Variants in EHMT1 observed in about 807,000 individuals in gnomAD.
The protein encoded by EHMT1 is histone-lysine N-methyltransferase EHMT1.
Under a neutral mutation model 147.2 loss-of-function variants are expected in EHMT1, and 15 were observed. The observed-to-expected ratio is 0.10, with a 90% CI of 0.07 to 0.16. The LOEUF (loss-of-function observed/expected upper bound fraction) is 0.16, where lower values mean the gene tolerates loss of function less well. EHMT1 is among the 10% of genes least tolerant of loss of function. The pLI, the probability that EHMT1 is intolerant of heterozygous loss-of-function variation, is 1.00. For missense variants in EHMT1, 1,587 were observed against 1,772.4 expected (o/e 0.90, Z 1.88); for synonymous variants, 795 against 709.6 (o/e 1.12, Z -1.91).
At chr9:137,677,942 G>A (rs1941536522) in intron 1 of EHMT1, among the ~76,000 whole-genome samples, 1 of 151,240 alleles carries the variant, frequency 6.6e-6, no homozygotes, top group East Asian at 2.0e-4. Flanking sequence ...GGCGGCGGGC[G>A]CCTGTAGTCC....
chr9:137,835,103 C>T lies in EHMT1; in HGVS notation c.*150C>T, dbSNP rs1474593408. On this transcript the variant is annotated 3_prime_UTR_variant, in exon 27 of 27. Transcript: ENST00000460843. ...AGGGGTCGGAGGTGAGGCTGCAGCCCCTGCGGGCGGGTGTGGATGCCTCCC... is the reference window on the plus strand; with the variant it reads ...AGGGGTCGGAGGTGAGGCTGCAGCCTCTGCGGGCGGGTGTGGATGCCTCCC... 5.1e-6 allele frequency: 5 copies of T among 976,360 alleles called. No homozygotes were observed. The East Asian group carries it at 1.8e-4, about 35-fold the overall frequency. The allele number at this position is 976,360 out of a possible 1,614,324, so 60.5% of individuals were successfully genotyped here.
At chr9:137,658,692 A>G (rs892369208) in intron 1 of EHMT1, among the ~76,000 whole-genome samples, 1 of 151,806 alleles carries the variant, frequency 6.6e-6, no homozygotes, top group Non-Finnish European at 1.5e-5. Context: ...GGCTCACTGC[A>G]GCTTCAACTT....
chr9:137,652,095 T>G (rs1050712332), intron 1 of EHMT1, among the ~76,000 whole-genome samples: 1 of 152,172 alleles, frequency 6.6e-6, no homozygotes, highest in Admixed American at 6.6e-5. Context: ...AGGCAGGCCC[T>G]TCAGGAGGAG....
chr9:137,676,542 T>C (rs942500748), intron 1 of EHMT1: 1 of 152,250 alleles, frequency 6.6e-6, no homozygotes, highest in Admixed American at 6.5e-5. Flanking sequence ...ATTTTTACAT[T>C]ATCTGTAGAG....
intron 1 of EHMT1, among the ~76,000 whole-genome samples, chr9:137,670,443 T>TC (rs1940448662): frequency 6.6e-6 from 1 of 151,934 alleles, no homozygotes; most frequent in Non-Finnish European, 1.5e-5. Context: ...TCCTGCCCCC[T>TC]CCCCCCGGTG....
chr9:137,834,286 C>T (rs1169169956), intron 25 of EHMT1, 63 bp from the exon 26 acceptor site: 1 of 1,600,004 alleles, frequency 6.2e-7, no homozygotes, highest in Non-Finnish European at 8.5e-7. Context: ...ATGGCCGTAC[C>T]CGGCGAGGCC....
At chr9:137,634,868 ATTTTTTTTTT>A (rs781056803) in intron 1 of EHMT1, among the ~76,000 whole-genome samples, 32 of 92,080 alleles carry the variant, frequency 3.5e-4, no homozygotes, top group East Asian at 2.3e-3. Flanking sequence ...TGCCCAGCTA[ATTTTTTTTTT>A]TTTTTTTTTT....
intron 8 of EHMT1, among the ~76,000 whole-genome samples, chr9:137,756,935 A>G (rs1007072059): frequency 6.6e-6 from 1 of 152,170 alleles, no homozygotes; most frequent in Non-Finnish European, 1.5e-5. Context: ...GCTTGAATGA[A>G]AAGACTGGTT....
At chr9:137,715,678 C>G (rs1393973844) in intron 2 of EHMT1, 2 of 985,332 alleles carry the variant, frequency 2.0e-6, no homozygotes, top group African/African-American at 3.5e-5. Flanking sequence ...GTCTCCTTGA[C>G]TGCCCTGGAT....
intron 1 of EHMT1, among the ~76,000 whole-genome samples, chr9:137,648,578 G>A (rs1196195275): frequency 6.6e-6 from 1 of 151,892 alleles, no homozygotes; most frequent in African/African-American, 2.4e-5. Flanking sequence ...GTGTCATCAA[G>A]AGGTTGAGGT....
In EHMT1 at chr9:137,743,441, G is replaced by C; in HGVS notation, c.894G>C (p.Leu298=). 1 of 1,613,432 alleles carries C rather than the reference G, an allele frequency of 6.2e-7. No homozygotes were observed. Among genetic ancestry groups the C allele is most frequent in the East Asian group, 2.2e-5 (1 of 44,862 alleles). ...KKKRRMGTYS[L]VPKKKTKVLK... is the part of the protein sequence containing the mutation. ...AACGAAGAATGGGAACCTATAGCCT[G>C]GTTCCTAAGAAAAAGACCAAAGTAT... Residue 298 remains leucine (L), a synonymous_variant, in exon 5 of 27, where the codon CTG becomes CTC. Coordinates refer to ENST00000460843, the MANE Select transcript of EHMT1 (RefSeq NM_024757.5).
Position 137,706,880 on chromosome 9 carries a change from A to G in EHMT1, c.22-4087A>G, listed in dbSNP as rs187906752. On this transcript the variant is annotated intron_variant, in intron 1 of 26. Transcript: ENST00000460843. ...TCTTTTGCCCAGGCTGGAGTGAAGC[A>G]GCGTGATCTCAGCTCACTGCAACCT... Among the ~76,000 whole-genome samples, 1,322 of 151,656 alleles carry G rather than the reference A, an allele frequency of 8.7e-3. 9 individuals carry two copies. The highest frequency in any genetic ancestry group is 0.015 in the Non-Finnish European group (997 of 67,872).
intron 10 of EHMT1, chr9:137,763,537 T>C (rs988464990): frequency 2.6e-5 from 4 of 156,212 alleles, no homozygotes; most frequent in Non-Finnish European, 5.7e-5. Flanking sequence ...CACGTGGCCA[T>C]TAGTGTCGTC....
chr9:137,671,047 C>T (rs1306710359), intron 1 of EHMT1, among the ~76,000 whole-genome samples: 1 of 152,124 alleles, frequency 6.6e-6, no homozygotes. Context: ...AGGGCTGTCC[C>T]GGGCCGTGAG....
chr9:137,628,852 G>C (rs990493375), intron 1 of EHMT1, among the ~76,000 whole-genome samples: 10 of 152,180 alleles, frequency 6.6e-5, no homozygotes, highest in African/African-American at 2.4e-4. Context: ...TCCTTCTTCT[G>C]CTTCCTGTCA....
At chr9:137,780,560 T>A (rs1184413915) in intron 14 of EHMT1, among the ~76,000 whole-genome samples, 1 of 100,130 alleles carries the variant, frequency 1.0e-5, no homozygotes, top group East Asian at 3.0e-4. Context: ...GGTGATGGCA[T>A]CACTGAGATG....
chr9:137,736,582 A>G (rs11137193), intron 4 of EHMT1, among the ~76,000 whole-genome samples: 37,999 of 152,240 alleles, frequency 0.25, 5,484 homozygotes, highest in Admixed American at 0.39. Flanking sequence ...ATAAGTCTCA[A>G]TGTTGATTTT....
chr9:137,791,336 G>A (rs1361890746), intron 16 of EHMT1, among the ~76,000 whole-genome samples: 1 of 152,184 alleles, frequency 6.6e-6, no homozygotes, highest in Admixed American at 6.5e-5. Flanking sequence ...TCTGTTCACA[G>A]ATGACATGTT....
chr9:137,798,806 G>A lies in EHMT1; in HGVS notation c.2506-7G>A, dbSNP rs768388616. On this transcript the variant is annotated splice_polypyrimidine_tract_variant and splice_region_variant and intron_variant, in intron 16 of 26. Transcript: ENST00000460843. The stretch of plus-strand genomic sequence containing the variant: ...GATTCTTTGACTAAGTGGCATTTCT[G>A]TTGCAGGACGCAGAGGGCTCTACGT... 10 of 1,613,120 alleles carry A rather than the reference G, an allele frequency of 6.2e-6. No homozygotes were observed. In the East Asian group the frequency reaches 1.8e-4, roughly 29 times the overall value.
Sources: allele counts gnomAD v4.1 joint callset (sites outside exome capture counted in the v4.1 genomes callset), GRCh38; gene constraint gnomAD v4.1.1; transcripts MANE v1.5; gene names NCBI Gene and HGNC (gene_info 2026-07-23, HGNC 2026-07-21).